Variants in NAALADL2 observed in about 807,000 individuals in gnomAD.
NAALADL2 encodes inactive N-acetylated-alpha-linked acidic dipeptidase-like protein 2.
NAALADL2 carries 76 observed loss-of-function variants against 87.2 expected under a neutral mutation model. The ratio of observed to expected loss-of-function variants is 0.87; its 90% CI spans 0.72 to 1.05. NAALADL2 has a LOEUF of 1.05. NAALADL2 is among the 50% of genes least tolerant of loss of function. The pLI is 0.00. For missense variants in NAALADL2, 1,089 were observed against 945.8 expected, an observed-to-expected ratio of 1.15 and a Z score of -1.99; for synonymous variants, 354 against 331.0, an observed-to-expected ratio of 1.07 and a Z score of -0.75.
intron 2 of NAALADL2, among the ~76,000 whole-genome samples, chr3:174,697,198 A>G (rs1159810379): frequency 1.3e-5 from 2 of 152,172 alleles, no homozygotes; most frequent in Non-Finnish European, 2.9e-5. Flanking sequence ...AGTTTATACT[A>G]TGGAACAATC....
Position 174,699,937 on chromosome 3 carries a change from G to A in NAALADL2, c.-114-37704G>A, listed in dbSNP as rs867019258. Among the ~76,000 whole-genome samples the A allele has an allele frequency of 1.1e-4, 17 of 151,552 alleles. No individual in the cohort carries two copies. In the Middle Eastern group the frequency reaches 0.01, roughly 92 times the overall value. On this transcript the variant is annotated intron_variant, in intron 2 of 3. Coordinates refer to the NAALADL2 transcript ENST00000434257. The stretch of plus-strand genomic sequence containing the variant: ...ACTTATTCCCCTTTTAGGGTCCCAG[G>A]TAGTTTCTGGGAAGGTCAGATTTAA...
intron 5 of NAALADL2, chr3:175,397,135 C>T (rs569346364): frequency 6.6e-6 from 1 of 152,214 alleles, no homozygotes; most frequent in South Asian, 2.1e-4. Flanking sequence ...ACAACAACAA[C>T]AACACCTATT....
chr3:175,715,797 C>A (rs1004292416), intron 11 of NAALADL2, among the ~76,000 whole-genome samples: 2 of 152,064 alleles, frequency 1.3e-5, no homozygotes, highest in Non-Finnish European at 2.9e-5. Context: ...ATCACTTGAA[C>A]CTGGGAGGCG....
chr3:175,078,587 C>T (rs1018303562), intron 1 of NAALADL2, among the ~76,000 whole-genome samples: 2 of 152,120 alleles, frequency 1.3e-5, no homozygotes, highest in African/African-American at 2.4e-5. Flanking sequence ...TGTCACTCCC[C>T]AATTTCTCCA....
chr3:175,130,714 T>C (rs1727696253), intron 2 of NAALADL2, among the ~76,000 whole-genome samples: 1 of 152,232 alleles, frequency 6.6e-6, no homozygotes. Context: ...CCATCTAATT[T>C]GACACATGTA....
At chr3:174,485,491 CTA>C (rs1717799427) in intron 1 of NAALADL2, among the ~76,000 whole-genome samples, 1 of 151,268 alleles carries the variant, frequency 6.6e-6, no homozygotes, top group Non-Finnish European at 1.5e-5. Context: ...TTGTTTCCCT[CTA>C]TGTGTTCATA....
chr3:174,755,658 C>T (rs1395801351), intron 3 of NAALADL2, among the ~76,000 whole-genome samples: 1 of 152,186 alleles, frequency 6.6e-6, no homozygotes, highest in Non-Finnish European at 1.5e-5. Context: ...CACATTTCCT[C>T]TTTCCCAAAA....
chr3:174,855,401 A>C (rs541148390), upstream of NAALADL2, among the ~76,000 whole-genome samples: 1 of 152,122 alleles, frequency 6.6e-6, no homozygotes, highest in African/African-American at 2.4e-5. Context: ...TTAACTTCTT[A>C]TTCTCTTTCA....
At chr3:174,708,145 A>G (rs1014645048) in intron 2 of NAALADL2, among the ~76,000 whole-genome samples, 1 of 152,142 alleles carries the variant, frequency 6.6e-6, no homozygotes, top group Admixed American at 6.5e-5. Context: ...ACTAGTTTGT[A>G]TGGTTTGACT....
intron 1 of NAALADL2, among the ~76,000 whole-genome samples, chr3:174,965,375 CCTA>C (rs1560420680): frequency 6.6e-6 from 1 of 152,030 alleles, no homozygotes; most frequent in African/African-American, 2.4e-5. Context: ...TCACTTCTGT[CCTA>C]TTCTATTCGT....
rs1403228962 is a variant in NAALADL2 at position 175,807,538 on chromosome 3, T to A, written c.*4335T>A. ...GTCATCTCATTGGTTTAATGGGCTA[T>A]TTAAATGTGCCTTAGCCACACATTT... is the stretch of plus-strand genomic sequence containing the variant. On this transcript the variant is annotated 3_prime_UTR_variant, in exon 14 of 14. Transcript: ENST00000454872. 1 of 151,942 alleles carries A rather than the reference T, an allele frequency of 6.6e-6. No individual in the cohort carries two copies. The highest frequency in any genetic ancestry group is 1.5e-5 in the Non-Finnish European group (1 of 67,904). The allele number at this position is 151,942 out of a possible 1,614,324, so 9.4% of individuals were successfully genotyped here.
intron 2 of NAALADL2, among the ~76,000 whole-genome samples, chr3:175,108,019 T>C (rs1427957535): frequency 6.6e-6 from 1 of 151,914 alleles, no homozygotes; most frequent in African/African-American, 2.4e-5. Context: ...TATATTAAAT[T>C]TTATATGCCT....
intron 2 of NAALADL2, among the ~76,000 whole-genome samples, chr3:174,643,338 C>T (rs1265383343): frequency 3.9e-5 from 6 of 152,018 alleles, no homozygotes; most frequent in South Asian, 4.1e-4. Context: ...AGAATGACTA[C>T]AGTATATTGA....
intron 2 of NAALADL2, among the ~76,000 whole-genome samples, chr3:174,584,537 G>T (rs1716506191): frequency 6.6e-6 from 1 of 152,032 alleles, no homozygotes; most frequent in African/African-American, 2.4e-5. Context: ...ATTTTCAAAT[G>T]TTGCTTTTAT....
intron 2 of NAALADL2, among the ~76,000 whole-genome samples, chr3:175,138,651 G>C (rs1001624082): frequency 6.7e-5 from 10 of 148,392 alleles, no homozygotes; most frequent in African/African-American, 2.5e-4. Flanking sequence ...TTTTAGAGAT[G>C]GTATCTCTCT....
intron 4 of NAALADL2, among the ~76,000 whole-genome samples, chr3:175,267,857 A>T (rs570573379): frequency 1.3e-5 from 2 of 152,184 alleles, no homozygotes; most frequent in Non-Finnish European, 2.9e-5. Flanking sequence ...GCTGTAAGTC[A>T]GTGGTCAAAC....
At chr3:174,573,186 T>C (rs1234292783) in intron 2 of NAALADL2, among the ~76,000 whole-genome samples, 1 of 152,194 alleles carries the variant, frequency 6.6e-6, no homozygotes, top group African/African-American at 2.4e-5. Flanking sequence ...GACAGTGGGG[T>C]GCTGGTAAAT....
intron 2 of NAALADL2, among the ~76,000 whole-genome samples, chr3:174,657,176 C>T (rs892612372): frequency 5.3e-5 from 8 of 151,556 alleles, no homozygotes; most frequent in African/African-American, 1.9e-4. Flanking sequence ...TTTACAGGCA[C>T]ATGCCACCAC....
intron 9 of NAALADL2, among the ~76,000 whole-genome samples, chr3:175,575,629 A>C (rs374177066): frequency 6.6e-6 from 1 of 152,086 alleles, no homozygotes; most frequent in South Asian, 2.1e-4. Flanking sequence ...ACAGAATTAT[A>C]CCCTACAAAG....
Sources: gnomAD v4.1 joint callset for allele counts (sites outside exome capture counted in the v4.1 genomes callset) on GRCh38, gnomAD v4.1.1 for gene constraint, MANE v1.5 for transcripts, NCBI Gene and HGNC (gene_info 2026-07-23, HGNC 2026-07-21) for gene names.